DENND5B: variants seen among roughly 807,000 people sequenced by gnomAD.
DENND5B encodes DENN domain-containing protein 5B.
DENND5B carries 34 observed loss-of-function variants against 140.6 expected under a neutral mutation model. That is an observed-to-expected ratio of 0.24 (90% confidence interval 0.18 to 0.32). The LOEUF (loss-of-function observed/expected upper bound fraction) is 0.32. DENND5B is among the 10% of genes least tolerant of loss of function. The probability of loss-of-function intolerance (pLI) is 1.00; values close to 1 mark genes in which losing one functional copy is unlikely to be tolerated. For synonymous variants in DENND5B, 551 were observed against 562.1 expected (o/e 0.98, Z 0.28); for missense variants, 1,142 against 1,560.2 (o/e 0.73, Z 4.52).
At chr12:31,435,312 A>C (rs1458378937) in intron 7 of DENND5B, among the ~76,000 whole-genome samples, 2 of 152,088 alleles carry the variant, frequency 1.3e-5, no homozygotes, top group Admixed American at 1.3e-4. Context: ...ACACACACAT[A>C]AACATCCTCA....
At chr12:31,448,869 A>C (rs1215730238) in intron 5 of DENND5B, among the ~76,000 whole-genome samples, 2 of 150,778 alleles carry the variant, frequency 1.3e-5, no homozygotes, top group Non-Finnish European at 3.0e-5. Context: ...AAACAAAAAC[A>C]AATCATTGCC....
intron 1 of DENND5B, among the ~76,000 whole-genome samples, chr12:31,531,545 G>C (rs1360293922): frequency 6.6e-6 from 1 of 152,160 alleles, no homozygotes; most frequent in African/African-American, 2.4e-5. Flanking sequence ...ATGGTAAAAT[G>C]ATTTTTTTTT....
chr12:31,434,056 A>T (rs1407795576), intron 7 of DENND5B, among the ~76,000 whole-genome samples: 1 of 152,190 alleles, frequency 6.6e-6, no homozygotes. Flanking sequence ...TAAGGGTTGT[A>T]CTCAAAGACC....
At chr12:31,488,305 G>A in intron 2 of DENND5B, among the ~76,000 whole-genome samples, 1 of 151,896 alleles carries the variant, frequency 6.6e-6, no homozygotes, top group Non-Finnish European at 1.5e-5. Context: ...CCATCAAGTA[G>A]GCAATACAGA....
At chr12:31,535,901 A>G (rs1948477387) in intron 1 of DENND5B, among the ~76,000 whole-genome samples, 1 of 152,168 alleles carries the variant, frequency 6.6e-6, no homozygotes, top group African/African-American at 2.4e-5. Flanking sequence ...ATAATCTCCA[A>G]TGTTGGAGGT....
chr12:31,583,281 G>C (rs1950268546), intron 1 of DENND5B, among the ~76,000 whole-genome samples: 1 of 143,650 alleles, frequency 7.0e-6, no homozygotes, highest in Non-Finnish European at 1.5e-5. Flanking sequence ...GACAGAGTGA[G>C]ACTCAGTCTT....
At chr12:31,558,863 A>G (rs1359262503) in intron 1 of DENND5B, among the ~76,000 whole-genome samples, 1 of 152,178 alleles carries the variant, frequency 6.6e-6, no homozygotes, top group Non-Finnish European at 1.5e-5. Flanking sequence ...GATTTTTACT[A>G]ACAAATGCAA....
At chr12:31,533,060 A>C (rs1948343564) in intron 1 of DENND5B, among the ~76,000 whole-genome samples, 1 of 152,184 alleles carries the variant, frequency 6.6e-6, no homozygotes, top group Admixed American at 6.6e-5. Context: ...AGCTTGCACA[A>C]GTCATTGGAT....
intron 1 of DENND5B, among the ~76,000 whole-genome samples, chr12:31,502,091 C>A (rs778437816): frequency 3.3e-5 from 5 of 151,982 alleles, no homozygotes; most frequent in Admixed American, 6.6e-5. Flanking sequence ...CGGAGGTGGG[C>A]GGATCACGAG....
chr12:31,450,529 A>C (rs907507268), intron 5 of DENND5B, among the ~76,000 whole-genome samples: 1 of 151,912 alleles, frequency 6.6e-6, no homozygotes, highest in Non-Finnish European at 1.5e-5. Flanking sequence ...GCTAATTTTA[A>C]AATTTTTTGT....
Position 31,590,785 on chromosome 12 carries a change from C to T in DENND5B, c.48G>A (p.Pro16=). 7 of 1,369,522 alleles carry T rather than the reference C, an allele frequency of 5.1e-6. No individual in the cohort carries two copies. Among genetic ancestry groups the T allele is most frequent in the Non-Finnish European group, 6.6e-6 (7 of 1,059,624 alleles). The allele number at this position is 1,369,522 out of a possible 1,614,324, so 84.8% of individuals were successfully genotyped here. A position where few individuals can be genotyped will look rare whatever the true frequency, so the allele number is the denominator to read the frequency against. ...AGTAGTGCGCGAAGCGGCAGGCGGC[C>T]GGGGAGGAGCCCGAGCCCGGGCCGG... is the stretch of plus-strand genomic sequence containing the variant. The part of the protein sequence containing the change: ...AAPGPGSGSS[P]AACRFAHYFV... Residue 16 remains proline (P), a synonymous_variant, in exon 1 of 21, where the codon CCG becomes CCA. Coordinates refer to ENST00000389082, the MANE Select transcript of DENND5B (RefSeq NM_144973.4).
chr12:31,584,392 G>A (rs898695230), intron 1 of DENND5B, among the ~76,000 whole-genome samples: 4 of 152,120 alleles, frequency 2.6e-5, no homozygotes, highest in African/African-American at 9.7e-5. Flanking sequence ...ACTCACTCTT[G>A]GGCCAATTTC....
chr12:31,446,886 C>CAA (rs534785761), intron 6 of DENND5B, among the ~76,000 whole-genome samples: 3 of 71,308 alleles, frequency 4.2e-5, no homozygotes, highest in Non-Finnish European at 8.6e-5. Context: ...GACTCCGCCT[C>CAA]AAAAAAAAAA....
At chr12:31,451,913 C>T in intron 5 of DENND5B, 27 bp downstream of exon 5, 2 of 1,610,292 alleles carry the variant, frequency 1.2e-6, no homozygotes, top group Non-Finnish European at 1.7e-6. Context: ...CTAATAACCA[C>T]AAAAGGAAAA....
At chr12:31,458,504 G>C (rs1439739036) in intron 4 of DENND5B, among the ~76,000 whole-genome samples, 1 of 152,174 alleles carries the variant, frequency 6.6e-6, no homozygotes, top group Non-Finnish European at 1.5e-5. Context: ...AAGGAATAGA[G>C]AAAAGAGGTA....
intron 7 of DENND5B, among the ~76,000 whole-genome samples, chr12:31,441,299 C>T (rs986027068): frequency 6.6e-6 from 1 of 152,028 alleles, no homozygotes; most frequent in African/African-American, 2.4e-5. Flanking sequence ...GAACCATGAT[C>T]GGGCCACAGC....
intron 1 of DENND5B, among the ~76,000 whole-genome samples, chr12:31,576,314 G>A (rs1466946277): frequency 5.3e-5 from 8 of 151,554 alleles, no homozygotes; most frequent in Admixed American, 2.0e-4. Flanking sequence ...TTAGCCAAGC[G>A]TAGTGGCAGA....
chr12:31,476,164 G>T (rs1444586085), intron 3 of DENND5B, among the ~76,000 whole-genome samples: 1 of 150,656 alleles, frequency 6.6e-6, no homozygotes, highest in Non-Finnish European at 1.5e-5. Context: ...AAGAGGAAGT[G>T]TGATAATGGA....
At chr12:31,461,007 T>C (rs1197905373) in intron 3 of DENND5B, among the ~76,000 whole-genome samples, 1 of 152,182 alleles carries the variant, frequency 6.6e-6, no homozygotes, top group Non-Finnish European at 1.5e-5. Context: ...ATTACAGGCG[T>C]GAACCACCGC....
Sources: allele counts gnomAD v4.1 joint callset (sites outside exome capture counted in the v4.1 genomes callset), GRCh38; gene constraint gnomAD v4.1.1; transcripts MANE v1.5; gene names NCBI Gene and HGNC (gene_info 2026-07-23, HGNC 2026-07-21).